Variants in TOGARAM2 observed in about 807,000 individuals in gnomAD.
The protein encoded by TOGARAM2 is TOG array regulator of axonemal microtubules 2.
A neutral mutation model predicts 93.3 loss-of-function variants in TOGARAM2; 85 were observed. The observed-to-expected ratio is 0.91, with a 90% CI of 0.76 to 1.09. The LOEUF (loss-of-function observed/expected upper bound fraction) is 1.09, where lower values mean the gene tolerates loss of function less well. Ranked by LOEUF, TOGARAM2 falls within the 50% of genes least tolerant of loss-of-function variation. TOGARAM2 has a pLI of 0.00. For missense variants in TOGARAM2, 1,277 were observed against 1,334.5 expected, an observed-to-expected ratio of 0.96 and a Z score of 0.67; for synonymous variants, 593 against 552.8, an observed-to-expected ratio of 1.07 and a Z score of -1.02.
intron 6 of TOGARAM2, among the ~76,000 whole-genome samples, chr2:29,009,902 G>A (rs1175706857): frequency 6.6e-6 from 1 of 152,166 alleles, no homozygotes; most frequent in Non-Finnish European, 1.5e-5. Context: ...GGCATGGCCT[G>A]TCTTGGCCTC....
chr2:29,043,079 T>G (rs1045855469), intron 18 of TOGARAM2, among the ~76,000 whole-genome samples: 2 of 152,178 alleles, frequency 1.3e-5, no homozygotes, highest in Non-Finnish European at 2.9e-5. Context: ...AGGTAAATGA[T>G]GGGGTGGGAC....
At chr2:28,980,582 G>A (rs1572623519), upstream of TOGARAM2, among the ~76,000 whole-genome samples, 2 of 152,212 alleles carry the variant, frequency 1.3e-5, no homozygotes, top group Non-Finnish European at 2.9e-5. Flanking sequence ...AGTGGGACTG[G>A]CTGTCATTCC....
chr2:28,962,178 G>A (rs919699981), intron 1 of TOGARAM2, among the ~76,000 whole-genome samples: 1 of 142,712 alleles, frequency 7.0e-6, no homozygotes, highest in Non-Finnish European at 1.5e-5. Flanking sequence ...TACATACATA[G>A]TTTTTTTTTT....
intron 6 of TOGARAM2, among the ~76,000 whole-genome samples, chr2:29,006,925 C>G (rs1448150064): frequency 6.6e-6 from 1 of 152,166 alleles, no homozygotes; most frequent in Non-Finnish European, 1.5e-5. Context: ...TTCCTCTTAT[C>G]TCTTTACTCT....
At chr2:29,051,690 C>T in intron 19 of TOGARAM2, 66 bp from the exon 20 acceptor site, 3 of 1,367,224 alleles carry the variant, frequency 2.2e-6, no homozygotes, top group Non-Finnish European at 2.9e-6. Flanking sequence ...GTTGGTGTCC[C>T]AAGAGAGGGA....
chr2:29,030,632 G>A (rs192998406), intron 14 of TOGARAM2, among the ~76,000 whole-genome samples: 63 of 152,174 alleles, frequency 4.1e-4, no homozygotes, highest in African/African-American at 1.5e-3. Flanking sequence ...CTAGAACTCT[G>A]TCCTTCCTGG....
At chr2:28,962,043 G>T (rs6727948) in intron 1 of TOGARAM2, among the ~76,000 whole-genome samples, 1 of 151,734 alleles carries the variant, frequency 6.6e-6, no homozygotes, top group Non-Finnish European at 1.5e-5. Context: ...GGGAAGTTGG[G>T]CCTATTATTC....
Position 29,035,650 on chromosome 2 carries a change from G to A in TOGARAM2, c.2412G>A (p.Leu804=), listed in dbSNP as rs541475421. The A allele has an allele frequency of 4.1e-6, 6 of 1,476,912 alleles. No individual in the cohort carries two copies. In the African/African-American group the frequency reaches 8.4e-5, roughly 21 times the overall value. The allele number at this position is 1,476,912 out of a possible 1,614,324, so 91.5% of individuals were successfully genotyped here. The change falls in exon 17 of 20, where the codon CTG becomes CTA. Residue 804 remains leucine, a synonymous_variant. Transcript: ENST00000379558. ...KAKTELVTAH[L]VQVFDAFTPR... is the part of the protein sequence containing the mutation. ...AGACGGAGCTTGTCACTGCCCACCT[G>A]GTCCAGGTGAGCACCGCTTGCTTTT...
intron 13 of TOGARAM2, among the ~76,000 whole-genome samples, chr2:29,025,622 A>G (rs183132595): frequency 6.6e-6 from 1 of 152,294 alleles, no homozygotes; most frequent in Admixed American, 6.5e-5. Context: ...CTGCTGGTCC[A>G]TGGACCATGC....
At chr2:29,001,504 CT>C (rs56716343) in intron 4 of TOGARAM2, among the ~76,000 whole-genome samples, 398 of 140,426 alleles carry the variant, frequency 2.8e-3, no homozygotes, top group Middle Eastern at 0.018. Context: ...CCCAGCTAAT[CT>C]TTTTTTTTTT....
rs77249270 is a variant in TOGARAM2, at chr2:29,026,228, C to G, written c.1854-625C>G. ...ACCCCAGTACTGTTCTCTGTACATT[C>G]AGGCCTTTTTTTTCTGGAGATACTT... On this transcript the variant is annotated intron_variant, in intron 13 of 19. Coordinates refer to ENST00000379558, the MANE Select transcript of TOGARAM2 (RefSeq NM_199280.4). 5.7e-3 allele frequency among the ~76,000 whole-genome samples: 864 copies of G among 152,294 alleles called. 10 individuals carry two copies. Among genetic ancestry groups the G allele is most frequent in the African/African-American group, 0.02 (829 of 41,550 alleles).
rs760340544 is a variant in TOGARAM2, at chr2:29,051,780, G to A, written c.2747G>A (p.Arg916Gln). 152 of 1,526,762 alleles carry A rather than the reference G, an allele frequency of 1.0e-4. No individual in the cohort carries two copies. Among genetic ancestry groups the A allele is most frequent in the Non-Finnish European group, 1.3e-4 (145 of 1,129,798 alleles). The allele number at this position is 1,526,762 out of a possible 1,614,324, so 94.6% of individuals were successfully genotyped here. A position where few individuals can be genotyped will look rare whatever the true frequency, so the allele number is the denominator to read the frequency against. The change falls in exon 20 of 20, where the codon CGG becomes CAG. Residue 916 changes from arginine (R) to glutamine (Q), a missense_variant. Coordinates refer to ENST00000379558, the MANE Select transcript of TOGARAM2 (RefSeq NM_199280.4). Reference sequence around the variant, plus strand: ...GTGCTGGTGGCCTCAGTTTACCCCCGGAAGCCTCAAGCTGTAGAGCGGCAT... The same window carrying A: ...GTGCTGGTGGCCTCAGTTTACCCCCAGAAGCCTCAAGCTGTAGAGCGGCAT... ...LAVLVASVYP[R>Q]KPQAVERHVL...
intron 1 of TOGARAM2, among the ~76,000 whole-genome samples, chr2:28,958,582 G>T (rs112396443): frequency 6.6e-6 from 1 of 152,130 alleles, no homozygotes; most frequent in Admixed American, 6.5e-5. Context: ...GATTACAGGC[G>T]TGAGCCACTA....
intron 1 of TOGARAM2, among the ~76,000 whole-genome samples, chr2:28,983,528 A>C (rs1375308863): frequency 6.6e-6 from 1 of 151,582 alleles, no homozygotes. Context: ...CTATGTTGTG[A>C]GTGCACCATG....
chr2:29,017,862 C>T lies in TOGARAM2; in HGVS notation c.1266C>T (p.Asp422=), dbSNP rs750738362. Residue 422 remains aspartate, a synonymous_variant, in exon 10 of 20, where the codon GAC becomes GAT. Transcript: ENST00000379558. ...PTRLSGPCRN[D]VSIILRKWAS... ...GGCTGAGCGGCCCATGCAGAAACGA[C>T]GTCAGCATCATCCTGAGGAAGTGGG... 6.4e-5 allele frequency: 104 copies of T among 1,613,586 alleles called. 1 individual carries two copies. The highest frequency in any genetic ancestry group is 5.2e-4 in the South Asian group (47 of 91,014).
intron 18 of TOGARAM2, among the ~76,000 whole-genome samples, chr2:29,044,143 C>T (rs1053397356): frequency 4.6e-5 from 7 of 152,206 alleles, no homozygotes; most frequent in African/African-American, 7.2e-5. Context: ...CAGGGAGCTG[C>T]GCCTCGCAGC....
intron 17 of TOGARAM2, among the ~76,000 whole-genome samples, chr2:29,035,872 G>A (rs1666078448): frequency 6.6e-6 from 1 of 152,194 alleles, no homozygotes; most frequent in African/African-American, 2.4e-5. Context: ...TGTCCTTCTA[G>A]CAGATTTACA....
chr2:29,024,672 A>G (rs1005348215), intron 13 of TOGARAM2, among the ~76,000 whole-genome samples: 4 of 152,146 alleles, frequency 2.6e-5, no homozygotes, highest in Admixed American at 6.5e-5. Context: ...TTCATCGGCC[A>G]GGCCGGGGGA....
chr2:28,998,037 C>T, intron 2 of TOGARAM2, 106 bp from the exon 3 acceptor site: 1 of 709,564 alleles, frequency 1.4e-6, no homozygotes, highest in Non-Finnish European at 2.2e-6. Flanking sequence ...GGGCAGGGAC[C>T]CTGCGGGGTG....
Sources: gnomAD v4.1 joint callset for allele counts (sites outside exome capture counted in the v4.1 genomes callset) on GRCh38, gnomAD v4.1.1 for gene constraint, MANE v1.5 for transcripts, NCBI Gene and HGNC (gene_info 2026-07-23, HGNC 2026-07-21) for gene names.